SS18: variants seen among roughly 807,000 people sequenced by gnomAD.
SS18 encodes SS18 subunit of BAF chromatin remodeling complex.
In SS18, 28 loss-of-function variants were observed where a neutral mutation model predicts 72.5. The observed-to-expected ratio is 0.39, with a 90% CI of 0.29 to 0.53. SS18 has a LOEUF of 0.53. SS18 is among the 20% of genes least tolerant of loss of function. The pLI is 0.76. For missense variants in SS18, 518 were observed against 535.3 expected, an observed-to-expected ratio of 0.97 and a Z score of 0.32; for synonymous variants, 172 against 164.2, an observed-to-expected ratio of 1.05 and a Z score of -0.37.
At chr18:26,053,322 A>T (rs1298789910) in intron 4 of SS18, among the ~76,000 whole-genome samples, 1 of 150,580 alleles carries the variant, frequency 6.6e-6, no homozygotes, top group Non-Finnish European at 1.5e-5. Flanking sequence ...TCACTATCTC[A>T]TTTGTTCCAC....
chr18:26,039,168 CAAAAAAAAAAAAA>C (rs34318951), intron 6 of SS18, 108 bp downstream of exon 6: 124 of 251,632 alleles, frequency 4.9e-4, no homozygotes, highest in East Asian at 4.5e-3. Flanking sequence ...TACCTTTTGT[CAAAAAAAAAAAAA>C]AAAAAAAAAA....
intron 3 of SS18, among the ~76,000 whole-genome samples, chr18:26,076,892 G>A (rs986636142): frequency 1.3e-5 from 2 of 152,018 alleles, no homozygotes; most frequent in South Asian, 4.2e-4. Flanking sequence ...ACCTACACAG[G>A]TTGCTAGAGA....
At chr18:26,039,015 A>G (rs1242319042) in intron 6 of SS18, among the ~76,000 whole-genome samples, 1 of 152,048 alleles carries the variant, frequency 6.6e-6, no homozygotes, top group African/African-American at 2.4e-5. Flanking sequence ...CTGACCCTTT[A>G]TAACTTTTCA....
intron 2 of SS18, among the ~76,000 whole-genome samples, chr18:26,083,522 C>T (rs919488476): frequency 7.2e-5 from 11 of 152,150 alleles, no homozygotes; most frequent in Non-Finnish European, 1.5e-4. Context: ...CACACCTAGG[C>T]TATACAGTAT....
chr18:26,016,975 C>G lies in SS18; in HGVS notation c.*1379G>C, dbSNP rs1598514649. ...CATCTTATTCCCTGGGCATAGGCAA[C>G]TGTGATGAAAATAGCAACTTACCTT... On this transcript the variant is annotated 3_prime_UTR_variant, in exon 11 of 11. Transcript: ENST00000415083. The G allele has an allele frequency of 4.4e-6, 1 of 226,148 alleles. No individual in the cohort carries two copies. The highest frequency in any genetic ancestry group is 6.4e-5 in the East Asian group (1 of 15,622). 14.0% of individuals were successfully genotyped at this position (226,148 alleles called of 1,614,324 possible).
chr18:26,021,589 T>C (rs1314978401), intron 10 of SS18, among the ~76,000 whole-genome samples: 1 of 152,220 alleles, frequency 6.6e-6, no homozygotes, highest in African/African-American at 2.4e-5. Flanking sequence ...GAAGACAGTA[T>C]GGAAGATCCT....
chr18:26,038,535 T>A lies in SS18; in HGVS notation c.880+20A>T, dbSNP rs965599039. 3 of 1,599,524 alleles carry A rather than the reference T, an allele frequency of 1.9e-6. No individual in the cohort carries two copies. The highest frequency in any genetic ancestry group is 2.6e-6 in the Non-Finnish European group (3 of 1,167,302). On this transcript the variant is annotated intron_variant, in intron 7 of 10. Coordinates refer to ENST00000415083, the MANE Select transcript of SS18 (RefSeq NM_001007559.3). Reference sequence around the variant, plus strand: ...TAGGCAGGGATAGAAAATGGGAAAGTTAACATCAGGAGAGATTACCATCAG... The same window carrying A: ...TAGGCAGGGATAGAAAATGGGAAAGATAACATCAGGAGAGATTACCATCAG...
At chr18:26,056,010 GC>G (rs2054014724) in intron 4 of SS18, among the ~76,000 whole-genome samples, 1 of 152,080 alleles carries the variant, frequency 6.6e-6, no homozygotes, top group African/African-American at 2.4e-5. Context: ...ACCCGCCTTG[GC>G]CTCCCAAAGT....
At chr18:26,075,520 A>C (rs1367088000) in intron 3 of SS18, among the ~76,000 whole-genome samples, 2 of 151,952 alleles carry the variant, frequency 1.3e-5, no homozygotes, top group Non-Finnish European at 2.9e-5. Context: ...GTACTTGATA[A>C]AATTTAACAT....
chr18:26,086,609 C>T (rs1598618546), intron 2 of SS18, among the ~76,000 whole-genome samples: 1 of 152,136 alleles, frequency 6.6e-6, no homozygotes, highest in Non-Finnish European at 1.5e-5. Context: ...ATGGACAGTG[C>T]TGTTCTATTC....
intron 10 of SS18, among the ~76,000 whole-genome samples, chr18:26,021,822 T>C (rs75513982): frequency 0.015 from 2,322 of 152,286 alleles, 63 homozygotes; most frequent in African/African-American, 0.053. Flanking sequence ...AGAAAAGTTT[T>C]GGTAGAAAAA....
Position 26,059,566 on chromosome 18 carries a change from T to C in SS18, c.232-1824A>G, listed in dbSNP as rs140602657. ...AGACTGGAGTGTAGGCCCCACCAAG[T>C]TAGAGGAGCCTTCATAAATAACTCC... On this transcript the variant is annotated intron_variant, in intron 3 of 10. Transcript: ENST00000415083. 1.0e-3 allele frequency among the ~76,000 whole-genome samples: 156 copies of C among 152,278 alleles called. 3 individuals are homozygous for C. In the East Asian group the frequency reaches 0.029, roughly 28 times the overall value.
chr18:26,063,050 A>C (rs1057005154), intron 3 of SS18, among the ~76,000 whole-genome samples: 10 of 152,376 alleles, frequency 6.6e-5, no homozygotes, highest in Non-Finnish European at 1.3e-4. Flanking sequence ...AGAATCCAAT[A>C]ACTGTTCAAT....
chr18:26,031,217 TTTTG>T (rs780392607), intron 10 of SS18, among the ~76,000 whole-genome samples: 43 of 152,354 alleles, frequency 2.8e-4, no homozygotes, highest in Admixed American at 1.8e-3. Context: ...GATCCTTTTG[TTTTG>T]TTTGAGGATA....
chr18:26,089,341 G>A (rs1293952704), intron 1 of SS18, among the ~76,000 whole-genome samples: 1 of 152,194 alleles, frequency 6.6e-6, no homozygotes, highest in Admixed American at 6.5e-5. Flanking sequence ...ACTTAACTCA[G>A]AGCACTATAT....
At chr18:26,057,800 A>T (rs1037799589) in intron 3 of SS18, 58 bp from the exon 4 acceptor site, 18 of 1,463,264 alleles carry the variant, frequency 1.2e-5, no homozygotes, top group Non-Finnish European at 1.6e-5. Context: ...AAAGATGCAT[A>T]GGGTAAAAGA....
intron 4 of SS18, among the ~76,000 whole-genome samples, chr18:26,055,664 A>C (rs1350545748): frequency 1.3e-5 from 2 of 152,112 alleles, no homozygotes; most frequent in Non-Finnish European, 2.9e-5. Context: ...TATAAGGAAC[A>C]AATAAAGAAA....
chr18:26,081,093 A>G (rs1378138788), intron 2 of SS18: 1 of 125,700 alleles, frequency 8.0e-6, no homozygotes, highest in East Asian at 2.6e-4. Context: ...CGTCTCAAAA[A>G]AAAAAAAAAA....
At chr18:26,039,629 T>C (rs2053689818) in intron 5 of SS18, among the ~76,000 whole-genome samples, 173 bp from the exon 6 acceptor site, 1 of 152,170 alleles carries the variant, frequency 6.6e-6, no homozygotes, top group Non-Finnish European at 1.5e-5. Flanking sequence ...ATGCCTAAAA[T>C]AATGTGCAAA....
Sources: allele counts gnomAD v4.1 joint callset (sites outside exome capture counted in the v4.1 genomes callset), GRCh38; gene constraint gnomAD v4.1.1; transcripts MANE v1.5; gene names NCBI Gene and HGNC (gene_info 2026-07-23, HGNC 2026-07-21).